Variants in DNMT1 observed in about 807,000 individuals in gnomAD.
DNMT1 encodes DNA methyltransferase 1.
In DNMT1, 24 loss-of-function variants were observed where a neutral mutation model predicts 205.3. The ratio of observed to expected loss-of-function variants is 0.12; its 90% CI spans 0.08 to 0.16. The LOEUF (loss-of-function observed/expected upper bound fraction) is 0.16. Ranked by LOEUF, DNMT1 falls within the 10% of genes least tolerant of loss-of-function variation. The pLI, the probability that DNMT1 is intolerant of heterozygous loss-of-function variation, is 1.00. For missense variants in DNMT1, 1,293 were observed against 2,177.7 expected, an observed-to-expected ratio of 0.59 and a Z score of 8.09; for synonymous variants, 817 against 839.8, an observed-to-expected ratio of 0.97 and a Z score of 0.47.
At chr19:10,191,245 C>T (rs1375180363) in intron 1 of DNMT1, among the ~76,000 whole-genome samples, 1 of 151,070 alleles carries the variant, frequency 6.6e-6, no homozygotes, top group Admixed American at 6.6e-5. Context: ...CACACCATTG[C>T]ACTCTAGCCT....
intron 29 of DNMT1, among the ~76,000 whole-genome samples, chr19:10,143,332 C>T (rs571334929): frequency 6.6e-6 from 1 of 151,796 alleles, no homozygotes; most frequent in East Asian, 1.9e-4. Context: ...CCTTCAGCCT[C>T]AGCCTCCCAA....
intron 2 of DNMT1, 49 bp downstream of exon 2, chr19:10,181,992 G>A (rs1311732472): frequency 3.9e-6 from 6 of 1,531,326 alleles, no homozygotes; most frequent in South Asian, 1.1e-5. Context: ...GAGCCACAAA[G>A]TGTGTCAGTC....
rs746346641 is a variant in DNMT1 at position 10,151,440 on chromosome 19, T to TTTC, written c.2220_2222dup (p.Lys741dup). 4 of 1,613,804 alleles carry TTTC rather than the reference T, an allele frequency of 2.5e-6. No homozygotes were observed. Among genetic ancestry groups the TTTC allele is most frequent in the East Asian group, 2.2e-5 (1 of 44,894 alleles). On this transcript the variant is annotated inframe_insertion, in exon 24 of 41. Transcript: ENST00000359526. This position sits in a 1 kb window ranked among gnomAD's most constrained non-coding sequence, Gnocchi z 5.0. The stretch of plus-strand genomic sequence containing the variant: ...CCCAAGAGATGCGATTCTTGTTCTG[T>TTTC]TTCTTCTTCTTCCCCTGGTGCATTT...
Position 10,159,958 on chromosome 19 carries a change from G to A in DNMT1, c.1090-36C>T. On this transcript the variant is annotated intron_variant, in intron 15 of 40. Transcript: ENST00000359526. The surrounding 1 kb of genome is among the most constrained non-coding windows in gnomAD (Gnocchi z 5.0). ...AGGAACACAGATGATGGCACTCAGA[G>A]AGCAGCTCCCAGCCGCCTCGTGAGC... 1 of 1,614,216 alleles carries A rather than the reference G, an allele frequency of 6.2e-7. No homozygotes were observed. Among genetic ancestry groups the A allele is most frequent in the Non-Finnish European group, 8.5e-7 (1 of 1,180,040 alleles).
Position 10,160,005 on chromosome 19 carries a change from G to T in DNMT1, c.1089+13C>A. The T allele has an allele frequency of 6.2e-7, 1 of 1,614,156 alleles. No individual in the cohort carries two copies. The highest frequency in any genetic ancestry group is 8.5e-7 in the Non-Finnish European group (1 of 1,180,050). On this transcript the variant is annotated intron_variant, in intron 15 of 40. Coordinates refer to ENST00000359526, the MANE Select transcript of DNMT1 (RefSeq NM_001130823.3). ...GAGCGCCGCCACCGGCTTTATTCCC[G>T]GCAGATGTTTACCTTGGAGTTCATG...
Position 10,136,252 on chromosome 19 carries a change from T to C in DNMT1, c.4525A>G (p.Asn1509Asp). ...GGCAGGCACCAGGGGATGAGGGTGT[T>C]GAACTGCCTGGCTGCGGGGTCGCAG... ...KACDPAARQF[N>D]TLIPWCLPHT... Residue 1509 changes from asparagine (N) to aspartate (D), a missense_variant, in exon 38 of 41, where the codon AAC becomes GAC. By Grantham distance (23) the Asn-to-Asp change is conservative. Around this residue, in one of 13 missense-constraint regions of DNMT1, gnomAD observed 148 missense variants for 256.1 expected, o/e 0.58. Coordinates refer to ENST00000359526, the MANE Select transcript of DNMT1 (RefSeq NM_001130823.3). 1 of 1,614,102 alleles carries C rather than the reference T, an allele frequency of 6.2e-7. No individual in the cohort carries two copies. Among genetic ancestry groups the C allele is most frequent in the Non-Finnish European group, 8.5e-7 (1 of 1,180,022 alleles).
Position 10,180,544 on chromosome 19 carries a change from G to T in DNMT1, c.251C>A (p.Ser84Tyr). The T allele has an allele frequency of 3.1e-6, 5 of 1,614,128 alleles. No individual in the cohort carries two copies. The highest frequency in any genetic ancestry group is 4.2e-6 in the Non-Finnish European group (5 of 1,180,024). ...SEEGYLAKVKSLLNKDLSLEN... is the reference protein window; with the variant it reads ...SEEGYLAKVKYLLNKDLSLEN... ...CAAGGACAAATCTTTATTTAAAAGG[G>T]ATTTGACTTTAGCCAGGTAGCCCTC... is the stretch of plus-strand genomic sequence containing the variant. The change falls in exon 4 of 41, where the codon TCC becomes TAC. Residue 84 changes from serine (S) to tyrosine (Y), a missense_variant. By Grantham distance (144) the Ser-to-Tyr change is moderately radical (BLOSUM62 -2). Around this residue, in one of 13 missense-constraint regions of DNMT1, gnomAD observed 394 missense variants for 451.6 expected, o/e 0.87. Transcript: ENST00000359526.
intron 11 of DNMT1, among the ~76,000 whole-genome samples, chr19:10,164,654 G>A (rs558699849): frequency 6.6e-5 from 10 of 151,960 alleles, no homozygotes; most frequent in African/African-American, 9.6e-5. Flanking sequence ...CACGCCGGGC[G>A]TGGTGCCTCA....
In DNMT1 at chr19:10,180,191, A is replaced by C. The variant is rs532948016; in HGVS notation, c.489T>G (p.Ile163Met). ...PPASASQVTG[I>M]RAEPSPSPRI... ...GCTGGGTGTGGTGGCACATACCTCTAATCCCAGTTACTTGGGAGGCTGAGG... is the reference window on the plus strand; with the variant it reads ...GCTGGGTGTGGTGGCACATACCTCTCATCCCAGTTACTTGGGAGGCTGAGG... Residue 163 changes from isoleucine to methionine, a missense_variant, in exon 5 of 41, where the codon ATT (isoleucine) becomes ATG (methionine). Transcript: ENST00000359526. The C allele has an allele frequency of 6.3e-5, 53 of 842,676 alleles. 1 individual carries two copies. In the South Asian group the frequency reaches 7.5e-4, roughly 12 times the overall value. The allele number at this position is 842,676 out of a possible 1,614,324, so 52.2% of individuals were successfully genotyped here.
In DNMT1 at chr19:10,173,743, T is replaced by C. The variant is rs562408219; in HGVS notation, c.683+128A>G. 235 of 969,412 alleles carry C rather than the reference T, an allele frequency of 2.4e-4. 2 individuals carry two copies. Among genetic ancestry groups the C allele is most frequent in the Admixed American group, 2.0e-3 (110 of 56,232 alleles). The allele number at this position is 969,412 out of a possible 1,614,324, so 60.1% of individuals were successfully genotyped here. A position where few individuals can be genotyped will look rare whatever the true frequency, so the allele number is the denominator to read the frequency against. On this transcript the variant is annotated intron_variant, in intron 8 of 40. Coordinates refer to ENST00000359526, the MANE Select transcript of DNMT1 (RefSeq NM_001130823.3). ...CTGACCTCAAGTGATTCGCCCATCT[T>C]GGCCTCCCAAAGTGCTGAGATTACA... is the stretch of plus-strand genomic sequence containing the variant.
rs74930654 is a variant in DNMT1 at position 10,194,606 on chromosome 19, G to A, written c.80+214C>T. 21,174 of 552,462 alleles carry A rather than the reference G, an allele frequency of 0.038. 560 individuals are homozygous for A. Among genetic ancestry groups the A allele is most frequent in the Non-Finnish European group, 0.049 (15,760 of 324,672 alleles). The allele number at this position is 552,462 out of a possible 1,614,324, so 34.2% of individuals were successfully genotyped here. A position where few individuals can be genotyped will look rare whatever the true frequency, so the allele number is the denominator to read the frequency against. Reference sequence around the variant, plus strand: ...AGTTTCTAGCCACCAGGGAGCTACGGGGGAATCCACGGTCCATTTTGGCGC... The same window carrying A: ...AGTTTCTAGCCACCAGGGAGCTACGAGGGAATCCACGGTCCATTTTGGCGC... On this transcript the variant is annotated intron_variant, in intron 1 of 40. Coordinates refer to ENST00000359526, the MANE Select transcript of DNMT1 (RefSeq NM_001130823.3).
intron 5 of DNMT1, 49 bp from the exon 6 acceptor site, chr19:10,177,416 A>G: frequency 3.2e-6 from 5 of 1,565,770 alleles, no homozygotes; most frequent in Non-Finnish European, 4.4e-6. Flanking sequence ...AGCCACTATC[A>G]ATAGAAAGCC....
At chr19:10,157,636 C>T (rs767452911) in intron 17 of DNMT1, among the ~76,000 whole-genome samples, 5 of 152,208 alleles carry the variant, frequency 3.3e-5, no homozygotes, top group Non-Finnish European at 7.3e-5. Flanking sequence ...CCACACTCAC[C>T]CAGCTTAGTG....
At chr19:10,194,459 A>C (rs927135299) in intron 1 of DNMT1, 2 of 179,462 alleles carry the variant, frequency 1.1e-5, no homozygotes, top group South Asian at 1.5e-4. Flanking sequence ...CGGGCTGCCC[A>C]CTTCCTGTGC....
chr19:10,155,833 A>G lies in DNMT1; in HGVS notation c.1492+20T>C, dbSNP rs1197488009. 2 of 1,610,312 alleles carry G rather than the reference A, an allele frequency of 1.2e-6. No individual in the cohort carries two copies. The highest frequency in any genetic ancestry group is 1.7e-6 in the Non-Finnish European group (2 of 1,178,324). Reference sequence around the variant, plus strand: ...GCCCCTTTCAGACCCCGGCCAGCCTATGATGGGCCACACACTTACAGGTGC... The same window carrying G: ...GCCCCTTTCAGACCCCGGCCAGCCTGTGATGGGCCACACACTTACAGGTGC... On this transcript the variant is annotated intron_variant, in intron 19 of 40. Coordinates refer to ENST00000359526, the MANE Select transcript of DNMT1 (RefSeq NM_001130823.3).
intron 5 of DNMT1, among the ~76,000 whole-genome samples, chr19:10,178,081 A>AC (rs1215058165): frequency 6.7e-6 from 1 of 149,986 alleles, no homozygotes; most frequent in African/African-American, 2.5e-5. Flanking sequence ...ACATGGTGAA[A>AC]CCCCGTCTCT....
intron 6 of DNMT1, among the ~76,000 whole-genome samples, chr19:10,176,405 CTA>C (rs1205973728): frequency 1.3e-5 from 2 of 152,184 alleles, no homozygotes; most frequent in Admixed American, 1.3e-4. Flanking sequence ...GGGAAGGAAT[CTA>C]TAACTTTAAG....
chr19:10,171,735 G>T (rs551330564), intron 9 of DNMT1, among the ~76,000 whole-genome samples: 1 of 152,192 alleles, frequency 6.6e-6, no homozygotes, highest in East Asian at 1.9e-4. Context: ...AACCCAGGAG[G>T]TGGAGCTTGC....
intron 5 of DNMT1, among the ~76,000 whole-genome samples, chr19:10,179,349 C>T (rs2038996849): frequency 6.6e-6 from 1 of 151,274 alleles, no homozygotes; most frequent in African/African-American, 2.4e-5. Flanking sequence ...CAGTGTCTTA[C>T]TCTTGTTGCC....
Sources: allele counts gnomAD v4.1 joint callset (sites outside exome capture counted in the v4.1 genomes callset), GRCh38; gene constraint gnomAD v4.1.1; regional missense constraint gnomAD v4.1.1; non-coding constraint Gnocchi (gnomAD v3.1); transcripts MANE v1.5; gene names NCBI Gene and HGNC (gene_info 2026-07-23, HGNC 2026-07-21).